ANKRD55: variants seen among roughly 807,000 people sequenced by gnomAD.
ANKRD55 encodes the protein ankyrin repeat domain 55.
ANKRD55 carries 41 observed loss-of-function variants against 60.6 expected under a neutral mutation model. The ratio of observed to expected loss-of-function variants is 0.68; its 90% confidence interval spans 0.53 to 0.88. ANKRD55 has a LOEUF of 0.88. ANKRD55 is among the 40% of genes least tolerant of loss of function. The pLI, the probability that ANKRD55 is intolerant of heterozygous loss-of-function variation, is 0.00. For synonymous variants in ANKRD55, 264 were observed against 290.3 expected, an observed-to-expected ratio of 0.91 and a Z score of 0.92; for missense variants, 732 against 767.6, an observed-to-expected ratio of 0.95 and a Z score of 0.55.
chr5:56,149,642 G>A (rs76958126), intron 6 of ANKRD55, among the ~76,000 whole-genome samples: 1,938 of 152,188 alleles, frequency 0.013, 55 homozygotes, highest in African/African-American at 0.044. Flanking sequence ...AATATTTGTT[G>A]AATAATTAAA....
intron 2 of ANKRD55, among the ~76,000 whole-genome samples, chr5:56,224,107 T>A (rs1354581127): frequency 6.6e-6 from 1 of 152,116 alleles, no homozygotes; most frequent in Non-Finnish European, 1.5e-5. Flanking sequence ...CCTCAACAAA[T>A]GTAAAAGAAC....
intron 3 of ANKRD55, among the ~76,000 whole-genome samples, chr5:56,178,819 T>C (rs1758794324): frequency 8.5e-6 from 1 of 117,896 alleles, no homozygotes. Flanking sequence ...GCAAGTCTAA[T>C]AAAAACTCAA....
intron 9 of ANKRD55, 118 bp downstream of exon 9, chr5:56,116,497 T>G: frequency 1.2e-6 from 1 of 844,606 alleles, no homozygotes; most frequent in South Asian, 5.1e-5. Flanking sequence ...ACATTAATTA[T>G]ATTATAAAAG....
chr5:56,151,118 A>G (rs1468989440), intron 6 of ANKRD55, among the ~76,000 whole-genome samples: 2 of 152,138 alleles, frequency 1.3e-5, no homozygotes, highest in Non-Finnish European at 2.9e-5. Flanking sequence ...TCGGCCTCCC[A>G]AAGGGCTGGG....
At chr5:56,173,017 C>G (rs1758643869) in intron 4 of ANKRD55, among the ~76,000 whole-genome samples, 1 of 152,132 alleles carries the variant, frequency 6.6e-6, no homozygotes, top group Non-Finnish European at 1.5e-5. Context: ...ACAAATTTTA[C>G]CCACCATGGT....
intron 9 of ANKRD55, 58 bp downstream of exon 9, chr5:56,116,557 T>C: frequency 1.5e-6 from 2 of 1,370,864 alleles, no homozygotes; most frequent in Non-Finnish European, 1.9e-6. Flanking sequence ...AAACATTTCA[T>C]CCAAATTTAT....
intron 5 of ANKRD55, among the ~76,000 whole-genome samples, chr5:56,165,623 A>G (rs965686028): frequency 5.3e-5 from 8 of 152,114 alleles, no homozygotes; most frequent in African/African-American, 1.9e-4. Flanking sequence ...GTAAGCAGGA[A>G]TAATATATTT....
At chr5:56,131,795 CAAAAAA>C (rs34898025) in intron 7 of ANKRD55, among the ~76,000 whole-genome samples, 3 of 26,786 alleles carry the variant, frequency 1.1e-4, no homozygotes, top group African/African-American at 1.4e-4. Flanking sequence ...GACTCCGTCT[CAAAAAA>C]AAAAAAAAAA....
chr5:56,211,591 G>A (rs539700768), intron 2 of ANKRD55, among the ~76,000 whole-genome samples: 205 of 152,256 alleles, frequency 1.3e-3, no homozygotes, highest in Middle Eastern at 3.4e-3. Context: ...CTGTGGTCTG[G>A]AAGCACTCTT....
At chr5:56,160,405 A>T (rs912178966) in intron 5 of ANKRD55, among the ~76,000 whole-genome samples, 5 of 151,994 alleles carry the variant, frequency 3.3e-5, no homozygotes, top group Middle Eastern at 3.4e-3. Flanking sequence ...CGCCCTGCTA[A>T]TTTTTTCTAT....
chr5:56,212,266 A>G (rs1435363310), intron 2 of ANKRD55, among the ~76,000 whole-genome samples: 1 of 152,188 alleles, frequency 6.6e-6, no homozygotes, highest in Non-Finnish European at 1.5e-5. Flanking sequence ...AATATGTCAT[A>G]CCAATAGAAC....
intron 10 of ANKRD55, chr5:56,110,884 T>G: frequency 1.8e-6 from 1 of 553,906 alleles, no homozygotes; most frequent in Non-Finnish European, 3.2e-6. Context: ...GCTGGGGAGA[T>G]GAGAAGGCAC....
At chr5:56,157,345 C>G (rs185614139) in intron 6 of ANKRD55, among the ~76,000 whole-genome samples, 2 of 152,342 alleles carry the variant, frequency 1.3e-5, no homozygotes, top group East Asian at 3.9e-4. Flanking sequence ...CAAGGTTTCT[C>G]CCCATGTGAT....
At chr5:56,142,900 T>C (rs575436307) in intron 7 of ANKRD55, among the ~76,000 whole-genome samples, 3 of 152,284 alleles carry the variant, frequency 2.0e-5, no homozygotes, top group African/African-American at 4.8e-5. Context: ...GAAGCCAAGG[T>C]TAGAGGGATG....
chr5:56,127,243 G>A (rs912517172), intron 7 of ANKRD55, 137 bp from the exon 8 acceptor site: 5 of 1,292,340 alleles, frequency 3.9e-6, no homozygotes, highest in Non-Finnish European at 3.9e-6. Flanking sequence ...AAAAGGAAAT[G>A]GAAAAAAAAG....
intron 7 of ANKRD55, among the ~76,000 whole-genome samples, chr5:56,135,797 A>G (rs1326885937): frequency 6.6e-6 from 1 of 152,228 alleles, no homozygotes; most frequent in Non-Finnish European, 1.5e-5. Flanking sequence ...ATGACTATCT[A>G]TGTATAAAAT....
chr5:56,200,862 A>C (rs899155990), intron 2 of ANKRD55, among the ~76,000 whole-genome samples: 4 of 152,176 alleles, frequency 2.6e-5, no homozygotes, highest in African/African-American at 9.7e-5. Context: ...TAGGGTCACC[A>C]ATGATGTCTG....
intron 8 of ANKRD55, among the ~76,000 whole-genome samples, chr5:56,120,346 A>G (rs889909750): frequency 3.3e-5 from 5 of 152,054 alleles, no homozygotes; most frequent in Admixed American, 6.5e-5. Context: ...CCATTTCTTC[A>G]TGTGGTGGGA....
At chr5:56,149,553 T>C (rs929915874) in intron 6 of ANKRD55, among the ~76,000 whole-genome samples, 2 of 152,100 alleles carry the variant, frequency 1.3e-5, no homozygotes, top group African/African-American at 4.8e-5. Context: ...AAAAAGAACA[T>C]CTACATTCTT....
Sources: gnomAD v4.1 joint callset for allele counts (sites outside exome capture counted in the v4.1 genomes callset) on GRCh38, gnomAD v4.1.1 for gene constraint, MANE v1.5 for transcripts, NCBI Gene and HGNC (gene_info 2026-07-23, HGNC 2026-07-21) for gene names.